NRG2: variants seen among roughly 807,000 people sequenced by gnomAD.
NRG2 encodes the protein neuregulin 2, also known as pro-neuregulin-2, membrane-bound isoform.
Under a neutral mutation model 73.9 loss-of-function variants are expected in NRG2, and 27 were observed. The ratio of observed to expected loss-of-function variants is 0.37; its 90% CI spans 0.27 to 0.50. NRG2 has a LOEUF of 0.50. Among genes scored for constraint, NRG2 ranks in the 20% least tolerant of loss-of-function variants. NRG2 has a pLI of 0.96. For missense variants in NRG2, 1,126 were observed against 1,210.1 expected, an observed-to-expected ratio of 0.93 and a Z score of 1.03; for synonymous variants, 532 against 541.0, an observed-to-expected ratio of 0.98 and a Z score of 0.23.
Position 139,974,433 on chromosome 5 carries a change from G to A in NRG2, c.700+67937C>T, listed in dbSNP as rs190483653. Among the ~76,000 whole-genome samples the A allele has an allele frequency of 1.9e-4, 29 of 152,304 alleles. No homozygotes were observed. The East Asian group carries it at 5.6e-3, about 29-fold the overall frequency. On this transcript the variant is annotated intron_variant, in intron 1 of 9. Coordinates refer to ENST00000361474, the MANE Select transcript of NRG2 (RefSeq NM_004883.3). ...CACCAGTCACTTTGAGCCAGGGGAA[G>A]GGGAGAAGGCTGTGGTCTGGCAAAC...
At chr5:139,861,616 T>C (rs905696414) in intron 5 of NRG2, 13 of 446,508 alleles carry the variant, frequency 2.9e-5, no homozygotes, top group African/African-American at 2.2e-4. Flanking sequence ...GGGAGTGACC[T>C]TGACGTTTTG....
At chr5:139,850,907 C>G (rs1039302775) in intron 9 of NRG2, among the ~76,000 whole-genome samples, 39 of 152,230 alleles carry the variant, frequency 2.6e-4, no homozygotes, top group African/African-American at 9.1e-4. Flanking sequence ...ACTCCTTCTT[C>G]GTGTCTCCTT....
intron 1 of NRG2, among the ~76,000 whole-genome samples, chr5:139,965,321 C>T (rs112674518): frequency 6.6e-6 from 1 of 152,236 alleles, no homozygotes; most frequent in African/African-American, 2.4e-5. Context: ...ACTCTCTCAA[C>T]TCCTCCCAAA....
chr5:139,992,455 T>G (rs1000923713), intron 1 of NRG2, among the ~76,000 whole-genome samples: 3 of 152,210 alleles, frequency 2.0e-5, no homozygotes, highest in Non-Finnish European at 4.4e-5. Context: ...TCCCTTCTCA[T>G]TCTTTTGTCT....
intron 1 of NRG2, among the ~76,000 whole-genome samples, chr5:139,974,982 G>C (rs1283263862): frequency 6.6e-6 from 1 of 152,270 alleles, no homozygotes; most frequent in South Asian, 2.1e-4. Context: ...TGCGCCCCCT[G>C]TGTGGGCTAG....
At chr5:139,960,171 G>A (rs1405263501) in intron 1 of NRG2, among the ~76,000 whole-genome samples, 1 of 152,210 alleles carries the variant, frequency 6.6e-6, no homozygotes, top group African/African-American at 2.4e-5. Context: ...TTGACACAAG[G>A]AGTCTGATGT....
At chr5:139,950,383 C>T (rs1580800575) in intron 1 of NRG2, among the ~76,000 whole-genome samples, 1 of 152,244 alleles carries the variant, frequency 6.6e-6, no homozygotes, top group East Asian at 1.9e-4. Flanking sequence ...GATACACCTT[C>T]TGTAGAACAT....
chr5:140,030,003 A>G (rs1458359258), intron 1 of NRG2, among the ~76,000 whole-genome samples: 1 of 152,174 alleles, frequency 6.6e-6, no homozygotes, highest in African/African-American at 2.4e-5. Flanking sequence ...TCCCCTCCCA[A>G]AGCCACATTG....
chr5:139,917,114 T>A (rs1751312059), intron 1 of NRG2, among the ~76,000 whole-genome samples: 1 of 152,220 alleles, frequency 6.6e-6, no homozygotes, highest in Non-Finnish European at 1.5e-5. Flanking sequence ...GCTATCCCAA[T>A]GGATGTGAAA....
At chr5:139,863,378 A>G (rs749333505) in intron 5 of NRG2, among the ~76,000 whole-genome samples, 4 of 152,258 alleles carry the variant, frequency 2.6e-5, no homozygotes, top group Non-Finnish European at 5.9e-5. Flanking sequence ...CGAAAAGGTA[A>G]CAGTCAAGCT....
chr5:139,932,420 T>TAA (rs200097326), intron 1 of NRG2, among the ~76,000 whole-genome samples: 2 of 145,484 alleles, frequency 1.4e-5, no homozygotes, highest in South Asian at 2.1e-4. Flanking sequence ...ATTTTTTTTT[T>TAA]TAAAAAAAGC....
At chr5:139,867,783 T>A (rs867480415) in intron 4 of NRG2, among the ~76,000 whole-genome samples, 2,730 of 138,888 alleles carry the variant, frequency 0.02, 87 homozygotes, top group African/African-American at 0.078. Flanking sequence ...TGTGTGTGTG[T>A]GTGTGTGTGT....
chr5:139,987,772 G>GTTTT (rs374160865), intron 1 of NRG2, among the ~76,000 whole-genome samples: 20 of 126,148 alleles, frequency 1.6e-4, no homozygotes, highest in South Asian at 2.6e-4. Flanking sequence ...TCTGCAGGTT[G>GTTTT]TTTTTTTTTT....
Position 139,954,387 on chromosome 5 carries a change from G to A in NRG2, c.701-66876C>T, listed in dbSNP as rs1041037317. The stretch of plus-strand genomic sequence containing the variant: ...GAAAAGGAAGAATGAAATGACTGGA[G>A]GGGCAGGAAGGGAGGGAAATTGTGC... On this transcript the variant is annotated intron_variant, in intron 1 of 9. Transcript: ENST00000361474. The surrounding 1 kb of genome is among the most constrained non-coding windows in gnomAD (Gnocchi z 5.0). Among the ~76,000 whole-genome samples the A allele has an allele frequency of 6.6e-6, 1 of 152,174 alleles. No homozygotes were observed. The highest frequency in any genetic ancestry group is 2.4e-5 in the African/African-American group (1 of 41,436).
chr5:139,923,055 T>A lies in NRG2; in HGVS notation c.701-35544A>T, dbSNP rs572779416. ...GTCCTTATACACTTGTCCAAACCCA[T>A]AGAATGTACAACATCAAGAGTGAAC... On this transcript the variant is annotated intron_variant, in intron 1 of 9. Transcript: ENST00000361474. 3.9e-5 allele frequency among the ~76,000 whole-genome samples: 6 copies of A among 152,296 alleles called. No individual in the cohort carries two copies. The East Asian group carries it at 9.6e-4, about 24-fold the overall frequency.
chr5:139,987,843 C>A (rs993041917), intron 1 of NRG2, among the ~76,000 whole-genome samples: 7 of 146,152 alleles, frequency 4.8e-5, no homozygotes, highest in African/African-American at 1.8e-4. Flanking sequence ...AGTGCGATCT[C>A]GGCTCACTGC....
intron 1 of NRG2, among the ~76,000 whole-genome samples, chr5:139,952,522 G>T (rs1020582700): frequency 6.6e-6 from 1 of 152,178 alleles, no homozygotes; most frequent in African/African-American, 2.4e-5. Flanking sequence ...CCCCTGGATG[G>T]GGTGGGAGAA....
chr5:139,994,034 C>T (rs1293281067), intron 1 of NRG2, among the ~76,000 whole-genome samples: 1 of 152,076 alleles, frequency 6.6e-6, no homozygotes, highest in African/African-American at 2.4e-5. Context: ...AATGAAAGAA[C>T]AATTTCTTTC....
chr5:139,971,659 A>G (rs1330046035), intron 1 of NRG2, among the ~76,000 whole-genome samples: 3 of 152,236 alleles, frequency 2.0e-5, no homozygotes, highest in Admixed American at 6.5e-5. Flanking sequence ...TAATGAAAAT[A>G]CCATCCCATT....
Sources: gnomAD v4.1 joint callset for allele counts (sites outside exome capture counted in the v4.1 genomes callset) on GRCh38, gnomAD v4.1.1 for gene constraint, Gnocchi (gnomAD v3.1) non-coding constraint, MANE v1.5 for transcripts, NCBI Gene and HGNC (gene_info 2026-07-23, HGNC 2026-07-21) for gene names.